The following CECR2 variants were observed in gnomAD, a reference collection of about 807,000 sequenced individuals.
The protein encoded by CECR2 is chromatin remodeling regulator CECR2.
Under a neutral mutation model 154.5 loss-of-function variants are expected in CECR2, and 30 were observed. That is an observed-to-expected ratio of 0.19 (90% confidence interval 0.15 to 0.26). The LOEUF (loss-of-function observed/expected upper bound fraction) is 0.26. Ranked by LOEUF, CECR2 falls within the 10% of genes least tolerant of loss-of-function variation. The pLI, the probability that CECR2 is intolerant of heterozygous loss-of-function variation, is 1.00. For missense variants in CECR2, 1,743 were observed against 1,829.3 expected (o/e 0.95, Z 0.86); for synonymous variants, 725 against 683.7 (o/e 1.06, Z -0.94).
chr22:17,384,692 C>G (rs1452613191), intron 1 of CECR2, among the ~76,000 whole-genome samples: 2 of 152,166 alleles, frequency 1.3e-5, no homozygotes, highest in Non-Finnish European at 1.5e-5. Flanking sequence ...TACATTAGCA[C>G]AGTTTTCAAG....
chr22:17,542,260 C>G lies in CECR2; in HGVS notation c.2117C>G (p.Pro706Arg). The change falls in exon 16 of 19, where the codon CCT becomes CGT. Residue 706 changes from proline to arginine, a missense_variant. Physicochemically the swap from Pro to Arg is moderately radical, Grantham distance 103. Around this residue, in one of 4 missense-constraint regions of CECR2, gnomAD observed 1,250 missense variants for 1,192.1 expected, o/e 1.05. Transcript: ENST00000262608. ...LTHLSNMGPHPGSLQLGQISG... is the reference protein window; with the variant it reads ...LTHLSNMGPHRGSLQLGQISG... ...CACCTTTCTAACATGGGCCCACACC[C>G]TGGATCCTTGCAGCTTGGGCAGATA... 2 of 1,611,032 alleles carry G rather than the reference C, an allele frequency of 1.2e-6. No individual in the cohort carries two copies. The highest frequency in any genetic ancestry group is 2.2e-5 in the South Asian group (2 of 90,556).
At chr22:17,454,567 T>A (rs973784814) in intron 1 of CECR2, among the ~76,000 whole-genome samples, 10 of 146,892 alleles carry the variant, frequency 6.8e-5, no homozygotes, top group African/African-American at 2.6e-4. Flanking sequence ...ATCGCACCAC[T>A]GCACTCCAGC....
chr22:17,550,864 C>A (rs1234450339), intron 17 of CECR2, among the ~76,000 whole-genome samples: 2 of 152,068 alleles, frequency 1.3e-5, no homozygotes, highest in Non-Finnish European at 1.5e-5. Context: ...ATGGCGTGAA[C>A]CTGGGAGGCG....
intron 1 of CECR2, among the ~76,000 whole-genome samples, chr22:17,382,098 G>GC (rs2063202548): frequency 6.6e-6 from 1 of 151,286 alleles, no homozygotes; most frequent in South Asian, 2.1e-4. Context: ...CGCCGTGTTA[G>GC]CCAGGATGGT....
At position 17,549,449 on chromosome 22, in the gene CECR2, C is replaced by T. The variant is rs778252121; in HGVS notation, c.4162C>T (p.Pro1388Ser). ...TQPNGLSQEG[P>S]IYRCQEEGLG... ...GCCCAACGGCCTCTCTCAGGAGGGT[C>T]CCATCTATCGCTGCCAGGAAGAAGG... The change falls in exon 17 of 19, where the codon CCC becomes TCC. Residue 1388 changes from proline (P) to serine (S), a missense_variant. Pro to Ser is a moderately conservative substitution (Grantham distance 74). Coordinates refer to ENST00000262608, the MANE Select transcript of CECR2 (RefSeq NM_001290047.2). The T allele has an allele frequency of 1.9e-6, 3 of 1,612,374 alleles. No homozygotes were observed. The Admixed American group carries it at 5.0e-5, about 27-fold the overall frequency.
rs1773339894 is a variant in CECR2 at position 17,505,004 on chromosome 22, G to C, written c.858G>C (p.Met286Ile). The C allele has an allele frequency of 3.7e-6, 6 of 1,613,304 alleles. No homozygotes were observed. The highest frequency in any genetic ancestry group is 5.1e-6 in the Non-Finnish European group (6 of 1,179,772). Residue 286 changes from methionine (M) to isoleucine (I), a missense_variant, in exon 7 of 19, where the codon ATG becomes ATC. Coordinates refer to ENST00000262608, the MANE Select transcript of CECR2 (RefSeq NM_001290047.2). Reference sequence around the variant, plus strand: ...ACTTCCTGCCTGAGATCTGCAACATGATCGCCCAGAAGGTGCGCCACACTC... The same window carrying C: ...ACTTCCTGCCTGAGATCTGCAACATCATCGCCCAGAAGGTGCGCCACACTC... ...SEDFLPEICN[M>I]IAQKGKRPQR...
intron 1 of CECR2, among the ~76,000 whole-genome samples, chr22:17,449,724 C>T (rs1001376977): frequency 6.6e-6 from 1 of 151,850 alleles, no homozygotes; most frequent in African/African-American, 2.4e-5. Context: ...CTCCTGACCT[C>T]GTGATCTGCC....
chr22:17,447,033 C>CTTTTTT (rs1555910503), intron 1 of CECR2, among the ~76,000 whole-genome samples: 2 of 114,104 alleles, frequency 1.8e-5, no homozygotes, highest in Non-Finnish European at 3.4e-5. Context: ...CGTTTACAAT[C>CTTTTTT]TTTTTTTTTT....
At chr22:17,536,421 G>A (rs981984349) in intron 9 of CECR2, among the ~76,000 whole-genome samples, 1 of 152,142 alleles carries the variant, frequency 6.6e-6, no homozygotes, top group East Asian at 1.9e-4. Context: ...GGAATGGAAT[G>A]CCAAGTGTGC....
At chr22:17,480,511 T>C (rs1343662550) in intron 2 of CECR2, among the ~76,000 whole-genome samples, 3 of 150,614 alleles carry the variant, frequency 2.0e-5, no homozygotes, top group African/African-American at 7.3e-5. Flanking sequence ...TTTCACAAAC[T>C]GAACACACCT....
At chr22:17,426,935 A>G (rs957183148) in intron 1 of CECR2, among the ~76,000 whole-genome samples, 6 of 152,124 alleles carry the variant, frequency 3.9e-5, no homozygotes, top group African/African-American at 7.2e-5. Flanking sequence ...TTATATAGGT[A>G]TACATGTGCC....
At chr22:17,364,612 G>A (rs1312358478), upstream of CECR2, among the ~76,000 whole-genome samples, 4 of 152,068 alleles carry the variant, frequency 2.6e-5, no homozygotes, top group South Asian at 2.1e-4. Context: ...TTGGGAGGCC[G>A]AGGTGGGTGG....
intron 17 of CECR2, 134 bp downstream of exon 17, chr22:17,549,698 G>A (rs899622207): frequency 9.6e-6 from 7 of 725,770 alleles, no homozygotes; most frequent in African/African-American, 5.4e-5. Context: ...CGGCGGCATC[G>A]ACCTCCCAGG....
At chr22:17,397,128 T>TA (rs2146523467) in intron 1 of CECR2, among the ~76,000 whole-genome samples, 2 of 152,042 alleles carry the variant, frequency 1.3e-5, no homozygotes, top group African/African-American at 4.8e-5. Context: ...CTTTTTTTTT[T>TA]TATTTATTTT....
At position 17,544,942 on chromosome 22, in the gene CECR2, A is replaced by G. The variant is rs538265072; in HGVS notation, c.2860+1939A>G. On this transcript the variant is annotated intron_variant, in intron 16 of 18. Coordinates refer to ENST00000262608, the MANE Select transcript of CECR2 (RefSeq NM_001290047.2). The stretch of plus-strand genomic sequence containing the variant: ...AGCTATGATTGCACCACTGTACTCC[A>G]TCCTGGGCAACAGAGCAAAACCATG... Among the ~76,000 whole-genome samples the G allele has an allele frequency of 6.8e-4, 103 of 151,776 alleles. 1 individual carries two copies. The highest frequency in any genetic ancestry group is 1.2e-3 in the South Asian group (6 of 4,812).
chr22:17,440,063 T>A (rs2054561027), intron 1 of CECR2, among the ~76,000 whole-genome samples: 1 of 135,802 alleles, frequency 7.4e-6, no homozygotes, highest in Non-Finnish European at 1.6e-5. Context: ...ATGAATATGA[T>A]TACATTGAAA....
At chr22:17,493,155 A>G (rs2055561333) in intron 2 of CECR2, among the ~76,000 whole-genome samples, 1 of 152,010 alleles carries the variant, frequency 6.6e-6, no homozygotes, top group Non-Finnish European at 1.5e-5. Context: ...TATTTTTAGT[A>G]GAGACAGGCT....
In CECR2 at chr22:17,409,464, C is replaced by A. The variant is rs895568295; in HGVS notation, c.126+39555C>A. ...GCCAGGATGGTCTCAATCTCTTGACCTCGTGATCCGCCTGCCTCGGCCTCC... is the reference window on the plus strand; with the variant it reads ...GCCAGGATGGTCTCAATCTCTTGACATCGTGATCCGCCTGCCTCGGCCTCC... On this transcript the variant is annotated intron_variant, in intron 1 of 18. Transcript: ENST00000262608. Among the ~76,000 whole-genome samples the A allele has an allele frequency of 3.6e-5, 4 of 112,090 alleles. 1 individual carries two copies. The highest frequency in any genetic ancestry group is 8.5e-5 in the Non-Finnish European group (4 of 46,894). The allele number at this position is 112,090 out of a possible 152,430, so 73.5% of individuals were successfully genotyped here.
chr22:17,372,685 T>C (rs996496490), intron 1 of CECR2, among the ~76,000 whole-genome samples: 4 of 152,094 alleles, frequency 2.6e-5, no homozygotes, highest in African/African-American at 9.7e-5. Context: ...ATATATTAAT[T>C]AATTAAAAGA....
Sources: allele counts gnomAD v4.1 joint callset (sites outside exome capture counted in the v4.1 genomes callset), GRCh38; gene constraint gnomAD v4.1.1; regional missense constraint gnomAD v4.1.1; transcripts MANE v1.5; gene names NCBI Gene and HGNC (gene_info 2026-07-23, HGNC 2026-07-21).